Variants in CSMD1 observed in about 807,000 individuals in gnomAD.
The protein encoded by CSMD1 is CUB and Sushi multiple domains 1.
A neutral mutation model predicts 417.5 loss-of-function variants in CSMD1; 213 were observed. The ratio of observed to expected loss-of-function variants is 0.51; its 90% CI spans 0.46 to 0.57. The LOEUF is 0.57. Among genes scored for constraint, CSMD1 ranks in the 20% least tolerant of loss-of-function variants. The pLI, the probability that CSMD1 is intolerant of heterozygous loss-of-function variation, is 0.00. For synonymous variants in CSMD1, 2,862 were observed against 1,736.8 expected (o/e 1.65, Z -16.11); for missense variants, 6,923 against 4,529.7 (o/e 1.53, Z -15.17).
At chr8:4,745,377 C>G (rs899431575) in intron 1 of CSMD1, among the ~76,000 whole-genome samples, 1 of 152,066 alleles carries the variant, frequency 6.6e-6, no homozygotes, top group Non-Finnish European at 1.5e-5. Context: ...AGTAACAGCA[C>G]CTAAGCTTTA....
intron 4 of CSMD1, among the ~76,000 whole-genome samples, chr8:4,021,983 G>T (rs1366018052): frequency 6.6e-6 from 1 of 151,650 alleles, no homozygotes; most frequent in Non-Finnish European, 1.5e-5. Flanking sequence ...CCTAGGAAAG[G>T]ATAGTTAGGT....
At chr8:3,360,637 T>C (rs1433079590) in intron 20 of CSMD1, among the ~76,000 whole-genome samples, 3 of 152,198 alleles carry the variant, frequency 2.0e-5, no homozygotes, top group Non-Finnish European at 4.4e-5. Flanking sequence ...ATGTGCATTA[T>C]TGCAAAGAAT....
At position 3,748,238 on chromosome 8, in the gene CSMD1, A is replaced by G. The variant is rs114604604; in HGVS notation, c.931+5692T>C. 3.4e-3 allele frequency among the ~76,000 whole-genome samples: 521 copies of G among 152,292 alleles called. 4 individuals carry two copies. The highest frequency in any genetic ancestry group is 0.012 in the African/African-American group (510 of 41,574). ...CGTGTTTCTGATTTGAATGAGTTAT[A>G]TTATTAAAAACTATTTTTTTTCATG... On this transcript the variant is annotated intron_variant, in intron 6 of 69. Coordinates refer to ENST00000635120, the MANE Select transcript of CSMD1 (RefSeq NM_033225.6).
rs561081997 is a variant in CSMD1 at position 3,995,100 on chromosome 8, G to C, written c.818+2803C>G. On this transcript the variant is annotated intron_variant, in intron 5 of 69. Coordinates refer to ENST00000635120, the MANE Select transcript of CSMD1 (RefSeq NM_033225.6). ...AATTTGATTCATGAAATATTTCAGA[G>C]ACTGTCACTGTAGAATTACTGTAAA... 8.5e-5 allele frequency among the ~76,000 whole-genome samples: 13 copies of C among 152,308 alleles called. No homozygotes were observed. In the South Asian group the frequency reaches 2.5e-3, roughly 29 times the overall value.
At chr8:4,145,919 G>C (rs1318278904) in intron 3 of CSMD1, among the ~76,000 whole-genome samples, 2 of 150,910 alleles carry the variant, frequency 1.3e-5, no homozygotes, top group Admixed American at 1.3e-4. Flanking sequence ...GCACATGATT[G>C]GCCCCATTGT....
At chr8:4,271,938 C>G (rs901395460) in intron 3 of CSMD1, among the ~76,000 whole-genome samples, 2 of 152,132 alleles carry the variant, frequency 1.3e-5, no homozygotes, top group Non-Finnish European at 2.9e-5. Flanking sequence ...AAATACCTGC[C>G]CTACAGATCT....
At chr8:4,928,001 C>A (rs909909654) in intron 1 of CSMD1, among the ~76,000 whole-genome samples, 2 of 152,202 alleles carry the variant, frequency 1.3e-5, no homozygotes, top group Non-Finnish European at 2.9e-5. Context: ...CCGAGTCACA[C>A]CCCACATCCT....
intron 3 of CSMD1, among the ~76,000 whole-genome samples, chr8:4,296,436 T>C (rs892127065): frequency 2.0e-5 from 3 of 152,194 alleles, no homozygotes; most frequent in African/African-American, 4.8e-5. Context: ...TGAGATAGCA[T>C]GGCATTTGGA....
intron 10 of CSMD1, among the ~76,000 whole-genome samples, chr8:3,513,723 T>G (rs1161743175): frequency 6.6e-6 from 1 of 152,230 alleles, no homozygotes; most frequent in African/African-American, 2.4e-5. Context: ...GCCCTCATAG[T>G]CTGTGTGTTA....
chr8:3,530,271 A>G (rs1215838490), intron 10 of CSMD1, among the ~76,000 whole-genome samples: 2 of 152,228 alleles, frequency 1.3e-5, no homozygotes, highest in African/African-American at 2.4e-5. Context: ...TCAATATCTT[A>G]TATTTTAATG....
intron 4 of CSMD1, among the ~76,000 whole-genome samples, chr8:4,031,424 C>G (rs1797337915): frequency 6.6e-6 from 1 of 152,100 alleles, no homozygotes; most frequent in East Asian, 1.9e-4. Flanking sequence ...CTTTTTAAAA[C>G]CATCAGATCT....
At chr8:4,796,637 TG>T (rs1797997828) in intron 1 of CSMD1, among the ~76,000 whole-genome samples, 1 of 152,060 alleles carries the variant, frequency 6.6e-6, no homozygotes, top group South Asian at 2.1e-4. Flanking sequence ...GGCATACCCA[TG>T]GGGAAAAACA....
intron 2 of CSMD1, among the ~76,000 whole-genome samples, chr8:4,451,017 TG>T (rs969449755): frequency 9.9e-6 from 1 of 100,574 alleles, no homozygotes; most frequent in Non-Finnish European, 2.0e-5. Flanking sequence ...TTGACCAACG[TG>T]GGGAAAAAAA....
intron 3 of CSMD1, among the ~76,000 whole-genome samples, chr8:4,312,764 C>A (rs916573469): frequency 6.6e-6 from 1 of 152,010 alleles, no homozygotes; most frequent in Admixed American, 6.6e-5. Context: ...ATCCCAGCTA[C>A]TCCGGAGGCT....
At chr8:4,228,078 C>T (rs1236706294) in intron 3 of CSMD1, among the ~76,000 whole-genome samples, 1 of 151,996 alleles carries the variant, frequency 6.6e-6, no homozygotes, top group Non-Finnish European at 1.5e-5. Context: ...TTAAACCCCA[C>T]ACCAGGAGAC....
chr8:4,157,964 T>C (rs931741113), intron 3 of CSMD1, among the ~76,000 whole-genome samples: 9 of 152,218 alleles, frequency 5.9e-5, no homozygotes, highest in Non-Finnish European at 7.3e-5. Flanking sequence ...TAGCAACGTA[T>C]GCCGAGATTG....
chr8:4,457,372 G>T (rs923814819), intron 2 of CSMD1, among the ~76,000 whole-genome samples: 1 of 152,084 alleles, frequency 6.6e-6, no homozygotes, highest in Non-Finnish European at 1.5e-5. Context: ...AGTGATTGGG[G>T]CTTCCCGAGG....
At chr8:4,315,588 T>C (rs1213241590) in intron 3 of CSMD1, among the ~76,000 whole-genome samples, 1 of 152,154 alleles carries the variant, frequency 6.6e-6, no homozygotes, top group Non-Finnish European at 1.5e-5. Flanking sequence ...ATCCAGAACT[T>C]TGCCAGATAT....
chr8:4,456,875 A>C (rs1799519611), intron 2 of CSMD1, among the ~76,000 whole-genome samples: 1 of 151,936 alleles, frequency 6.6e-6, no homozygotes, highest in African/African-American at 2.4e-5. Context: ...CACTGGCTTC[A>C]AAGGGAGAAC....
Sources: gnomAD v4.1 joint callset for allele counts (sites outside exome capture counted in the v4.1 genomes callset) on GRCh38, gnomAD v4.1.1 for gene constraint, MANE v1.5 for transcripts, NCBI Gene and HGNC (gene_info 2026-07-23, HGNC 2026-07-21) for gene names.